HTR4: variants seen among roughly 807,000 people sequenced by gnomAD.
The protein encoded by HTR4 is 5-hydroxytryptamine (serotonin) receptor 4, G protein-coupled.
A neutral mutation model predicts 36.8 loss-of-function variants in HTR4; 16 were observed. The ratio of observed to expected loss-of-function variants is 0.43; its 90% CI spans 0.29 to 0.66. HTR4 has a LOEUF of 0.66. Among genes scored for constraint, HTR4 ranks in the 30% least tolerant of loss-of-function variants. HTR4 has a pLI of 0.13. For missense variants in HTR4, 438 were observed against 490.9 expected (o/e 0.89, Z 1.02); for synonymous variants, 189 against 185.1 (o/e 1.02, Z -0.17).
chr5:148,462,753 A>C (rs1019049439), intron 5 of HTR4, among the ~76,000 whole-genome samples: 2 of 152,230 alleles, frequency 1.3e-5, no homozygotes, highest in African/African-American at 4.8e-5. Flanking sequence ...TAGATGCAAA[A>C]ATCATCAACA....
In HTR4 at chr5:148,509,873, T is replaced by G; in HGVS notation, c.659A>C (p.Lys220Thr). The change falls in exon 6 of 7, where the codon AAG becomes ACG. Residue 220 changes from lysine (K) to threonine (T), a missense_variant. By Grantham distance (78) the Lys-to-Thr change is moderately conservative (BLOSUM62 -1). Transcript: ENST00000377888. ...CATCTGGATCTGATGGGCATGCTCC[T>G]TAGCTGTGACATAGATGCGGTAATA... ...LAYYRIYVTA[K>T]EHAHQIQMLQ... 3.7e-6 allele frequency: 6 copies of G among 1,613,988 alleles called. No homozygotes were observed. The highest frequency in any genetic ancestry group is 5.1e-6 in the Non-Finnish European group (6 of 1,179,972).
In HTR4 at chr5:148,636,992, A is replaced by G. The variant is rs149272691; in HGVS notation, c.23T>C (p.Val8Ala). MDKLDAN[V>A]SSEEGFGSVE... ...TATGTACAGAAAGGTAACATACCTC[A>G]CATTAGCATCAAGTTTGTCCATTAC... The change falls in exon 2 of 7, where the codon GTG becomes GCG. Residue 8 changes from valine (V) to alanine (A), a missense_variant. By Grantham distance (64) the Val-to-Ala change is moderately conservative (BLOSUM62 0). Coordinates refer to ENST00000377888, the MANE Select transcript of HTR4 (RefSeq NM_000870.7). 1.3e-6 allele frequency: 2 copies of G among 1,591,274 alleles called. No individual in the cohort carries two copies. The highest frequency in any genetic ancestry group is 1.7e-6 in the Non-Finnish European group (2 of 1,159,624).
rs574839703 is a variant in HTR4 at position 148,638,041 on chromosome 5, T to A, written c.-47-980A>T. 2.9e-4 allele frequency among the ~76,000 whole-genome samples: 33 copies of A among 114,312 alleles called. No individual in the cohort carries two copies. The South Asian group carries it at 9.4e-3, about 33-fold the overall frequency. 75.0% of individuals were successfully genotyped at this position (114,312 alleles called of 152,430 possible). A position where few individuals can be genotyped will look rare whatever the true frequency, so the allele number is the denominator to read the frequency against. On this transcript the variant is annotated intron_variant, in intron 1 of 6. Transcript: ENST00000377888. ...AATCTTACCAAGAAGAACCTGGAAA[T>A]CTGTTATCTACATAAAAGAACCATG...
rs1268080583 is a variant in HTR4, at chr5:148,482,706, A to C, written c.*497T>G. ...CGAAGAAGAGGCAGGGGATAGCTTG[A>C]ACATGGCTGTGACGGACGTGACCAA... On this transcript the variant is annotated 3_prime_UTR_variant, in exon 7 of 7. Coordinates refer to ENST00000377888, the MANE Select transcript of HTR4 (RefSeq NM_000870.7). 9.9e-7 allele frequency: 1 copy of C among 1,007,246 alleles called. No homozygotes were observed. The highest frequency in any genetic ancestry group is 1.2e-6 in the Non-Finnish European group (1 of 841,542). The allele number at this position is 1,007,246 out of a possible 1,614,324, so 62.4% of individuals were successfully genotyped here.
intron 6 of HTR4, among the ~76,000 whole-genome samples, chr5:148,504,237 G>T (rs113620918): frequency 0.25 from 38,731 of 152,002 alleles, 5,735 homozygotes; most frequent in Non-Finnish European, 0.34. Context: ...TGTCCACATA[G>T]TTGGAAGTAA....
At chr5:148,468,074 A>T (rs894688380) in intron 5 of HTR4, among the ~76,000 whole-genome samples, 3 of 152,220 alleles carry the variant, frequency 2.0e-5, no homozygotes, top group Non-Finnish European at 4.4e-5. Flanking sequence ...TCAGCCTGGG[A>T]TAGAGCTGAG....
chr5:148,586,721 T>TAATTAGATCTAATTCAGTC (rs1161943212), intron 2 of HTR4, among the ~76,000 whole-genome samples: 1 of 152,196 alleles, frequency 6.6e-6, no homozygotes, highest in Non-Finnish European at 1.5e-5. Flanking sequence ...CCTTGAGATC[T>TAATTAGATCTAATTCAGTC]AATTGACTGA....
intron 5 of HTR4, among the ~76,000 whole-genome samples, chr5:148,451,720 T>C (rs141999624): frequency 2.7e-3 from 406 of 152,322 alleles, no homozygotes; most frequent in Middle Eastern, 6.8e-3. Context: ...ACAATGTAAC[T>C]GTATTTGTTA....
At chr5:148,614,398 C>G (rs1410148273) in intron 2 of HTR4, among the ~76,000 whole-genome samples, 2 of 152,196 alleles carry the variant, frequency 1.3e-5, no homozygotes, top group East Asian at 1.9e-4. Context: ...ACTATCTGAT[C>G]TTTGACAAAC....
At chr5:148,647,061 A>T (rs1209094254) in intron 1 of HTR4, among the ~76,000 whole-genome samples, 1 of 152,216 alleles carries the variant, frequency 6.6e-6, no homozygotes, top group Admixed American at 6.5e-5. Context: ...TGCTCTTGGC[A>T]TCATGTGACT....
intron 6 of HTR4, among the ~76,000 whole-genome samples, chr5:148,506,795 A>G (rs1292143992): frequency 2.6e-5 from 4 of 152,246 alleles, no homozygotes; most frequent in Non-Finnish European, 5.9e-5. Context: ...ACTGGCCGTC[A>G]GAGAAATGCA....
At chr5:148,544,767 G>A (rs868475223) in intron 4 of HTR4, among the ~76,000 whole-genome samples, 3 of 152,314 alleles carry the variant, frequency 2.0e-5, no homozygotes, top group African/African-American at 7.2e-5. Context: ...CTGAGAATGG[G>A]AGTTGGGAAA....
downstream of HTR4, among the ~76,000 whole-genome samples, chr5:148,478,599 T>C (rs766138484): frequency 6.6e-6 from 1 of 152,118 alleles, no homozygotes; most frequent in Non-Finnish European, 1.5e-5. Context: ...CAGAGGGTAT[T>C]CCCTGGTCCA....
At chr5:148,615,704 GAAAGAAATA>G (rs1323459333) in intron 2 of HTR4, among the ~76,000 whole-genome samples, 19 of 134,388 alleles carry the variant, frequency 1.4e-4, no homozygotes, top group Middle Eastern at 3.7e-3. Flanking sequence ...AAGAAAGAAA[GAAAGAAATA>G]AAATAAAATA....
intron 2 of HTR4, among the ~76,000 whole-genome samples, chr5:148,572,423 C>G (rs552366546): frequency 6.6e-6 from 1 of 152,016 alleles, no homozygotes; most frequent in African/African-American, 2.4e-5. Context: ...ATATCTTAAT[C>G]CCTATGATAG....
chr5:148,604,254 G>A (rs561745874), intron 2 of HTR4, among the ~76,000 whole-genome samples: 11 of 152,110 alleles, frequency 7.2e-5, no homozygotes, highest in East Asian at 1.9e-4. Context: ...TGCAACATGC[G>A]TATCTGAAAA....
chr5:148,606,313 C>T (rs918802251), intron 2 of HTR4, among the ~76,000 whole-genome samples: 4 of 152,034 alleles, frequency 2.6e-5, no homozygotes, highest in African/African-American at 9.7e-5. Context: ...AGCTAGGACA[C>T]CTGGCATACA....
intron 3 of HTR4, among the ~76,000 whole-genome samples, 162 bp downstream of exon 3, chr5:148,549,975 A>G (rs1269815288): frequency 6.6e-6 from 1 of 152,242 alleles, no homozygotes; most frequent in East Asian, 1.9e-4. Flanking sequence ...GAGTTGTAGG[A>G]TTAATTGCAA....
intron 1 of HTR4, among the ~76,000 whole-genome samples, chr5:148,651,620 C>T (rs550157588): frequency 5.3e-5 from 8 of 152,112 alleles, no homozygotes; most frequent in Admixed American, 2.6e-4. Context: ...CTCACAACAA[C>T]GAACCATCTA....
Sources: allele counts gnomAD v4.1 joint callset (sites outside exome capture counted in the v4.1 genomes callset), GRCh38; gene constraint gnomAD v4.1.1; transcripts MANE v1.5; gene names NCBI Gene and HGNC (gene_info 2026-07-23, HGNC 2026-07-21).